The following CYP3A7 variants were observed in gnomAD, a reference collection of about 807,000 sequenced individuals.
CYP3A7 encodes cytochrome P450 3A7.
A neutral mutation model predicts 55.2 loss-of-function variants in CYP3A7; 45 were observed. The ratio of observed to expected loss-of-function variants is 0.82; its 90% CI spans 0.64 to 1.05. The LOEUF is 1.05. Among genes scored for constraint, CYP3A7 ranks in the 50% least tolerant of loss-of-function variants. The pLI is 0.00. For synonymous variants in CYP3A7, 180 were observed against 207.4 expected (o/e 0.87, Z 1.13); for missense variants, 548 against 605.3 (o/e 0.91, Z 0.99).
chr7:99,716,301 A>ACATT (rs1256086297), intron 6 of CYP3A7, among the ~76,000 whole-genome samples: 2 of 152,170 alleles, frequency 1.3e-5, no homozygotes, highest in African/African-American at 4.8e-5. Context: ...AAGACAGGTG[A>ACATT]CATTGCCTGA....
At chr7:99,709,410 G>T (rs1206875211) in intron 10 of CYP3A7, 149 bp from the exon 11 acceptor site, 2 of 1,299,882 alleles carry the variant, frequency 1.5e-6, no homozygotes, top group East Asian at 2.5e-5. Flanking sequence ...TTTAATAACT[G>T]TCATGCCCTT....
At chr7:99,715,383 G>A (rs1813901545) in intron 7 of CYP3A7, 1 of 264,568 alleles carries the variant, frequency 3.8e-6, no homozygotes, top group Non-Finnish European at 7.3e-6. Context: ...TAAGCCTGAA[G>A]CCAGCAGAAG....
At chr7:99,716,001 A>G in intron 6 of CYP3A7, 95 bp from the exon 7 acceptor site, 1 of 1,608,144 alleles carries the variant, frequency 6.2e-7, no homozygotes, top group Non-Finnish European at 8.5e-7. Flanking sequence ...CAGTCAAGAC[A>G]GACAAACAGC....
chr7:99,726,993 AT>A (rs1814437412), intron 2 of CYP3A7, among the ~76,000 whole-genome samples: 1 of 152,132 alleles, frequency 6.6e-6, no homozygotes, highest in East Asian at 1.9e-4. Context: ...TTGCCTTTGG[AT>A]ACCTGGTTTT....
intron 3 of CYP3A7, chr7:99,720,822 C>A (rs919760214): frequency 1.0e-5 from 2 of 191,508 alleles, no homozygotes; most frequent in Admixed American, 1.1e-4. Context: ...GCAAGTAAAT[C>A]ATCAAATGCT....
chr7:99,734,623 T>TC (rs1814758775), intron 1 of CYP3A7, among the ~76,000 whole-genome samples: 1 of 151,472 alleles, frequency 6.6e-6, no homozygotes, highest in South Asian at 2.1e-4. Flanking sequence ...TTCTTTTTTT[T>TC]CTCTTTTTTT....
chr7:99,708,487 C>A (rs1010997604), intron 11 of CYP3A7, among the ~76,000 whole-genome samples: 1 of 151,906 alleles, frequency 6.6e-6, no homozygotes, highest in African/African-American at 2.4e-5. Context: ...CCTCCTTCTC[C>A]TCCTTCTTCT....
At chr7:99,709,549 C>A (rs1813665553) in intron 10 of CYP3A7, among the ~76,000 whole-genome samples, 1 of 152,058 alleles carries the variant, frequency 6.6e-6, no homozygotes. Flanking sequence ...CTCATGGAAG[C>A]AAACATGACT....
At chr7:99,710,197 G>C (rs373467041) in intron 10 of CYP3A7, among the ~76,000 whole-genome samples, 22 of 152,322 alleles carry the variant, frequency 1.4e-4, no homozygotes, top group African/African-American at 5.3e-4. Context: ...TAGGCACCTA[G>C]TACTTAGTGT....
chr7:99,708,013 A>G, intron 11 of CYP3A7, 39 bp from the exon 12 acceptor site: 1 of 1,613,358 alleles, frequency 6.2e-7, no homozygotes, highest in Non-Finnish European at 8.5e-7. Flanking sequence ...AGTTAAAGAC[A>G]TAATACCTCT....
In CYP3A7 at chr7:99,705,369, C is replaced by T; in HGVS notation, c.*131G>A. ...GAGAGCACAATGCACGTACAGAATC[C>T]CTGATTATTTATGCAGCACATTGGA... On this transcript the variant is annotated 3_prime_UTR_variant, in exon 13 of 13. Transcript: ENST00000336374. 1 of 1,052,058 alleles carries T rather than the reference C, an allele frequency of 9.5e-7. No individual in the cohort carries two copies. Among genetic ancestry groups the T allele is most frequent in the Non-Finnish European group, 1.4e-6 (1 of 698,878 alleles). The allele number at this position is 1,052,058 out of a possible 1,614,324, so 65.2% of individuals were successfully genotyped here. A position where few individuals can be genotyped will look rare whatever the true frequency, so the allele number is the denominator to read the frequency against.
intron 12 of CYP3A7, among the ~76,000 whole-genome samples, chr7:99,706,810 C>A (rs1300616031): frequency 2.0e-5 from 3 of 152,228 alleles, no homozygotes; most frequent in East Asian, 3.8e-4. Flanking sequence ...GCATATCACT[C>A]CTTAAACATT....
Position 99,707,822 on chromosome 7 carries a change from T to C in CYP3A7, c.1406A>G (p.Lys469Arg). Residue 469 changes from lysine (K) to arginine (R), a missense_variant, in exon 12 of 13, where the codon AAA becomes AGA. Physicochemically the swap from Lys to Arg is conservative, Grantham distance 26. Transcript: ENST00000336374. ...AGAAAATTGACTGACCTGTGTTTCTTTACAAGGTTTGAAGGAGAAGTTCTG... is the reference window on the plus strand; with the variant it reads ...AGAAAATTGACTGACCTGTGTTTCTCTACAAGGTTTGAAGGAGAAGTTCTG... Reference protein sequence around the residue: ...VLQNFSFKPCKETQIPLKLRF... With the variant: ...VLQNFSFKPCRETQIPLKLRF... The C allele has an allele frequency of 6.2e-7, 1 of 1,613,920 alleles. No individual in the cohort carries two copies. Among genetic ancestry groups the C allele is most frequent in the South Asian group, 1.1e-5 (1 of 91,078 alleles).
Position 99,735,183 on chromosome 7 carries a change from C to G in CYP3A7, c.-90G>C. On this transcript the variant is annotated 5_prime_UTR_variant, in exon 1 of 13. Coordinates refer to ENST00000336374, the MANE Select transcript of CYP3A7 (RefSeq NM_000765.5). ...GGGCTGTGTGTGTGGAGCTTTCCTG[C>G]CCTGCACAGCAGTGATTCAGTGAGG... 1 of 1,526,066 alleles carries G rather than the reference C, an allele frequency of 6.6e-7. No homozygotes were observed. Among genetic ancestry groups the G allele is most frequent in the Non-Finnish European group, 9.0e-7 (1 of 1,107,726 alleles). The allele number at this position is 1,526,066 out of a possible 1,614,324, so 94.5% of individuals were successfully genotyped here. A position where few individuals can be genotyped will look rare whatever the true frequency, so the allele number is the denominator to read the frequency against.
intron 10 of CYP3A7, 114 bp downstream of exon 10, chr7:99,710,618 T>C (rs1478879112): frequency 1.3e-6 from 2 of 1,560,270 alleles, no homozygotes; most frequent in East Asian, 2.3e-5. Flanking sequence ...CTACATATTG[T>C]GAATGAAACA....
At chr7:99,711,375 T>A (rs1012286517) in intron 9 of CYP3A7, among the ~76,000 whole-genome samples, 6 of 152,232 alleles carry the variant, frequency 3.9e-5, no homozygotes, top group Non-Finnish European at 2.9e-5. Context: ...ACCTTTCCTT[T>A]AGATATGTTT....
chr7:99,708,598 T>A (rs1813614507), intron 11 of CYP3A7, among the ~76,000 whole-genome samples: 1 of 152,164 alleles, frequency 6.6e-6, no homozygotes. Context: ...TGGAAAGCAG[T>A]GTCATCACTG....
At chr7:99,715,597 G>C in intron 7 of CYP3A7, 161 bp downstream of exon 7, 1 of 1,276,182 alleles carries the variant, frequency 7.8e-7, no homozygotes. Context: ...TGACAGAAGT[G>C]TTTTAAAGTT....
In CYP3A7 at chr7:99,717,620, A is replaced by T. The variant is rs772545453; in HGVS notation, c.338T>A (p.Phe113Tyr). Residue 113 changes from phenylalanine to tyrosine, a missense_variant, in exon 5 of 13, where the codon TTT becomes TAT. By Grantham distance (22) the Phe-to-Tyr change is conservative. Coordinates refer to ENST00000336374, the MANE Select transcript of CYP3A7 (RefSeq NM_000765.5). ...TNRRPFGPVG[F>Y]MKNAISIAED... The stretch of plus-strand genomic sequence containing the variant: ...AGCTATAGAGATGGCATTTTTCATA[A>T]ATCCCACTGGCCCGAAAGGCTAGAG... The T allele has an allele frequency of 6.2e-7, 1 of 1,613,584 alleles. No homozygotes were observed. Among genetic ancestry groups the T allele is most frequent in the Non-Finnish European group, 8.5e-7 (1 of 1,179,732 alleles).
Sources: gnomAD v4.1 joint callset for allele counts (sites outside exome capture counted in the v4.1 genomes callset) on GRCh38, gnomAD v4.1.1 for gene constraint, MANE v1.5 for transcripts, NCBI Gene and HGNC (gene_info 2026-07-23, HGNC 2026-07-21) for gene names.